ROR1: variants seen among roughly 807,000 people sequenced by gnomAD.
ROR1 encodes the protein inactive tyrosine-protein kinase transmembrane receptor ROR1.
ROR1 carries 19 observed loss-of-function variants against 78.8 expected under a neutral mutation model. The ratio of observed to expected loss-of-function variants is 0.24; its 90% CI spans 0.17 to 0.35. The LOEUF (loss-of-function observed/expected upper bound fraction) is 0.35. Among genes scored for constraint, ROR1 ranks in the 10% least tolerant of loss-of-function variants. ROR1 has a pLI of 1.00. For missense variants in ROR1, 917 were observed against 1,177.8 expected (o/e 0.78, Z 3.24); for synonymous variants, 386 against 433.6 (o/e 0.89, Z 1.36).
chr1:64,054,978 G>A (rs1646862701), intron 4 of ROR1, among the ~76,000 whole-genome samples: 1 of 152,076 alleles, frequency 6.6e-6, no homozygotes, highest in African/African-American at 2.4e-5. Context: ...TCCTATATGT[G>A]TAGCCCTTAA....
intron 4 of ROR1, among the ~76,000 whole-genome samples, chr1:64,094,202 GTCTATTGCAAGCATGT>G (rs1345270846): frequency 6.6e-6 from 1 of 152,100 alleles, no homozygotes; most frequent in East Asian, 1.9e-4. Context: ...AGTTTTCTAT[GTCTATTGCAAGCATGT>G]TTTGCCTTTA....
chr1:63,915,792 G>T (rs969318899), intron 1 of ROR1, among the ~76,000 whole-genome samples: 5 of 151,978 alleles, frequency 3.3e-5, no homozygotes, highest in Non-Finnish European at 7.4e-5. Context: ...TGAAGCCGGG[G>T]GGGTGTGCTA....
In ROR1 at chr1:64,179,800, CA is replaced by C. The variant is rs1650501765; in HGVS notation, c.*946del. On this transcript the variant is annotated 3_prime_UTR_variant, in exon 9 of 9. Transcript: ENST00000371079. ...GTGTGTGGCTACAGATGAGCACGCC[CA>C]CCCCTTGCAACTCCCTGTTTACAAG... 1.3e-5 allele frequency: 2 copies of C among 152,180 alleles called. No homozygotes were observed. The highest frequency in any genetic ancestry group is 4.8e-5 in the African/African-American group (2 of 41,426). The allele number at this position is 152,180 out of a possible 1,614,324, so 9.4% of individuals were successfully genotyped here. A position where few individuals can be genotyped will look rare whatever the true frequency, so the allele number is the denominator to read the frequency against.
intron 1 of ROR1, among the ~76,000 whole-genome samples, chr1:64,000,252 A>T (rs772726504): frequency 6.6e-5 from 10 of 152,176 alleles, no homozygotes; most frequent in Non-Finnish European, 1.5e-4. Flanking sequence ...GAAACCCGAG[A>T]TGTCCACAGC....
At chr1:63,932,961 C>A (rs192709819) in intron 1 of ROR1, among the ~76,000 whole-genome samples, 3 of 152,110 alleles carry the variant, frequency 2.0e-5, no homozygotes, top group African/African-American at 7.2e-5. Flanking sequence ...GTCTGACAGC[C>A]CTTTATCTCT....
At chr1:63,816,777 T>C (rs1444818971) in intron 1 of ROR1, among the ~76,000 whole-genome samples, 1 of 152,188 alleles carries the variant, frequency 6.6e-6, no homozygotes, top group Non-Finnish European at 1.5e-5. Context: ...ATGTCTTCAT[T>C]TGTAAGATGA....
intron 1 of ROR1, among the ~76,000 whole-genome samples, chr1:63,987,432 A>G (rs1189746591): frequency 6.6e-6 from 1 of 152,176 alleles, no homozygotes; most frequent in African/African-American, 2.4e-5. Context: ...TTCAAGGTAT[A>G]TGGGCTGTCA....
chr1:63,881,620 G>A (rs931534855), intron 1 of ROR1, among the ~76,000 whole-genome samples: 40 of 152,118 alleles, frequency 2.6e-4, no homozygotes, highest in Non-Finnish European at 5.6e-4. Flanking sequence ...TGTATATAGA[G>A]ATCTTATATG....
At chr1:64,117,381 A>G (rs1648351774) in intron 4 of ROR1, among the ~76,000 whole-genome samples, 1 of 152,178 alleles carries the variant, frequency 6.6e-6, no homozygotes, top group Non-Finnish European at 1.5e-5. Flanking sequence ...TTGTAATGTT[A>G]TTCATTGCTT....
Position 63,958,382 on chromosome 1 carries a change from G to T in ROR1, c.92-50923G>T, listed in dbSNP as rs936428196. On this transcript the variant is annotated intron_variant, in intron 1 of 8. Coordinates refer to ENST00000371079, the MANE Select transcript of ROR1 (RefSeq NM_005012.4). The stretch of plus-strand genomic sequence containing the variant: ...TTAACAATTTGACAACGAGAACATA[G>T]GATTATGGTTTCGGGGGAAGAAGCA... Among the ~76,000 whole-genome samples the T allele has an allele frequency of 3.2e-4, 48 of 152,110 alleles. 1 individual carries two copies. The highest frequency in any genetic ancestry group is 1.1e-3 in the African/African-American group (46 of 41,414).
In ROR1 at chr1:63,860,115, C is replaced by T. The variant is rs141203912; in HGVS notation, c.91+85607C>T. ...CTATGTTATCTGTCCAGACATGTTA[C>T]GATTCCTGGCACACAGGATCAGAGC... On this transcript the variant is annotated intron_variant, in intron 1 of 8. Transcript: ENST00000371079. 3.8e-3 allele frequency among the ~76,000 whole-genome samples: 584 copies of T among 152,256 alleles called. 4 individuals carry two copies. Among genetic ancestry groups the T allele is most frequent in the African/African-American group, 0.013 (560 of 41,542 alleles).
chr1:64,053,902 T>C (rs896903216), intron 4 of ROR1, among the ~76,000 whole-genome samples: 1 of 152,100 alleles, frequency 6.6e-6, no homozygotes, highest in Non-Finnish European at 1.5e-5. Flanking sequence ...GTGTATATTC[T>C]ATTGATAACA....
At chr1:64,074,341 A>G (rs1647032398) in intron 4 of ROR1, among the ~76,000 whole-genome samples, 1 of 152,198 alleles carries the variant, frequency 6.6e-6, no homozygotes, top group Admixed American at 6.5e-5. Flanking sequence ...TACATTAACT[A>G]TTTAAGGGAT....
intron 1 of ROR1, among the ~76,000 whole-genome samples, chr1:63,849,344 G>A (rs1645099989): frequency 6.6e-6 from 1 of 152,058 alleles, no homozygotes; most frequent in South Asian, 2.1e-4. Flanking sequence ...TTTTGGCTTG[G>A]CACCATGCCA....
intron 7 of ROR1, chr1:64,143,181 C>G: frequency 1.0e-6 from 1 of 989,342 alleles, no homozygotes; most frequent in African/African-American, 1.7e-5. Context: ...AATGGAATTC[C>G]TGAGTCAGTT....
intron 4 of ROR1, among the ~76,000 whole-genome samples, chr1:64,135,512 G>C (rs150691409): frequency 6.6e-6 from 1 of 152,022 alleles, no homozygotes; most frequent in Non-Finnish European, 1.5e-5. Context: ...GTAATAGCAG[G>C]GGGGTGGCAT....
At position 64,156,559 on chromosome 1, in the gene ROR1, T is replaced by G. The variant is rs569095156; in HGVS notation, c.1175-2422T>G. Among the ~76,000 whole-genome samples, 159 of 152,032 alleles carry G rather than the reference T, an allele frequency of 1.0e-3. 2 individuals carry two copies. In the South Asian group the frequency reaches 0.031, roughly 30 times the overall value. Reference sequence around the variant, plus strand: ...CTGTCTCTACTAAAAATACAAAAATTAGCTGGGCGTGGTGGCACGTGCCTG... The same window carrying G: ...CTGTCTCTACTAAAAATACAAAAATGAGCTGGGCGTGGTGGCACGTGCCTG... On this transcript the variant is annotated intron_variant, in intron 7 of 8. Coordinates refer to ENST00000371079, the MANE Select transcript of ROR1 (RefSeq NM_005012.4).
Position 63,821,609 on chromosome 1 carries a change from T to C in ROR1, c.91+47101T>C, listed in dbSNP as rs537426220. Among the ~76,000 whole-genome samples the C allele has an allele frequency of 7.2e-5, 11 of 152,310 alleles. No homozygotes were observed. In the East Asian group the frequency reaches 2.1e-3, roughly 29 times the overall value. On this transcript the variant is annotated intron_variant, in intron 1 of 8. Transcript: ENST00000371079. ...TCTTCTGAAATTGAGTGCAGGTCTC[T>C]TAGTGGCTTACCTCAGCAGGGAGCC... is the stretch of plus-strand genomic sequence containing the variant.
intron 1 of ROR1, among the ~76,000 whole-genome samples, chr1:64,006,408 G>A (rs1646428004): frequency 6.6e-6 from 1 of 152,100 alleles, no homozygotes; most frequent in Non-Finnish European, 1.5e-5. Context: ...ATTATTGAAA[G>A]AGCCAAAGTG....
Sources: gnomAD v4.1 joint callset for allele counts (sites outside exome capture counted in the v4.1 genomes callset) on GRCh38, gnomAD v4.1.1 for gene constraint, MANE v1.5 for transcripts, NCBI Gene and HGNC (gene_info 2026-07-23, HGNC 2026-07-21) for gene names.